RTN4RL1: variants seen among roughly 807,000 people sequenced by gnomAD.
The protein encoded by RTN4RL1 is reticulon 4 receptor like 1, also known as reticulon-4 receptor-like 1.
RTN4RL1 carries 7 observed loss-of-function variants against 25.6 expected under a neutral mutation model. The ratio of observed to expected loss-of-function variants is 0.27; its 90% CI spans 0.16 to 0.51. The LOEUF (loss-of-function observed/expected upper bound fraction) is 0.51, where lower values mean the gene tolerates loss of function less well. RTN4RL1 is among the 20% of genes least tolerant of loss of function. The pLI is 0.97. For missense variants in RTN4RL1, 500 were observed against 615.6 expected, an observed-to-expected ratio of 0.81 and a Z score of 1.99; for synonymous variants, 297 against 288.2, an observed-to-expected ratio of 1.03 and a Z score of -0.31.
chr17:2,007,816 C>T (rs192693643), intron 1 of RTN4RL1, among the ~76,000 whole-genome samples: 3 of 151,872 alleles, frequency 2.0e-5, no homozygotes, highest in South Asian at 2.1e-4. Context: ...CATGGTGGCA[C>T]GCGCCTGTAA....
At chr17:1,949,136 T>G (rs140912736) in intron 1 of RTN4RL1, among the ~76,000 whole-genome samples, 3 of 152,102 alleles carry the variant, frequency 2.0e-5, no homozygotes, top group African/African-American at 7.2e-5. Context: ...TTTTTTTTTG[T>G]ATTTTTAGTA....
intron 1 of RTN4RL1, 77 bp downstream of exon 1, chr17:2,024,776 G>C: frequency 6.8e-7 from 1 of 1,463,860 alleles, no homozygotes; most frequent in Non-Finnish European, 9.2e-7. Flanking sequence ...GGGAGCCCCG[G>C]CGCCGGGCGG....
intron 1 of RTN4RL1, among the ~76,000 whole-genome samples, chr17:1,988,609 A>G (rs2066897313): frequency 1.3e-5 from 2 of 152,012 alleles, no homozygotes; most frequent in South Asian, 2.1e-4. Flanking sequence ...CCGCATCCCT[A>G]GCACCCAGGA....
At chr17:1,976,643 A>G (rs1353780790) in intron 1 of RTN4RL1, among the ~76,000 whole-genome samples, 1 of 152,150 alleles carries the variant, frequency 6.6e-6, no homozygotes, top group African/African-American at 2.4e-5. Context: ...CTGAGTACCT[A>G]GTTACAGTCC....
intron 1 of RTN4RL1, among the ~76,000 whole-genome samples, chr17:2,004,367 CA>C (rs58690992): frequency 0.035 from 1,277 of 36,600 alleles, 20 homozygotes; most frequent in South Asian, 0.23. Flanking sequence ...GACTCTGTCT[CA>C]AAAAAAAAAA....
chr17:2,013,218 G>A (rs1466687317), intron 1 of RTN4RL1, among the ~76,000 whole-genome samples: 4 of 152,308 alleles, frequency 2.6e-5, no homozygotes, highest in Admixed American at 1.3e-4. Flanking sequence ...GAAGCCCTAA[G>A]AGATAATGTC....
intron 1 of RTN4RL1, among the ~76,000 whole-genome samples, chr17:1,993,551 C>A (rs1048864350): frequency 3.9e-5 from 6 of 152,216 alleles, no homozygotes; most frequent in Admixed American, 1.3e-4. Context: ...TTTTTACAGA[C>A]CTGCTTTATT....
At chr17:1,949,942 TG>T (rs1915639400) in intron 1 of RTN4RL1, among the ~76,000 whole-genome samples, 4 of 152,020 alleles carry the variant, frequency 2.6e-5, no homozygotes, top group Admixed American at 6.5e-5. Flanking sequence ...GCACAGCAGG[TG>T]CAAAGGCCCT....
intron 1 of RTN4RL1, among the ~76,000 whole-genome samples, chr17:1,971,764 C>T (rs2066820324): frequency 6.6e-6 from 1 of 151,938 alleles, no homozygotes; most frequent in South Asian, 2.1e-4. Flanking sequence ...AGATCGAGAC[C>T]ATCCTAGCTA....
At position 1,936,353 on chromosome 17, in the gene RTN4RL1, G is replaced by A. The variant is rs1915303156; in HGVS notation, c.*143C>T. On this transcript the variant is annotated 3_prime_UTR_variant, in exon 2 of 2. Transcript: ENST00000331238. ...TTGGGTTTATAATCCACATGGCAGG[G>A]TCCAGACGTCCAGACAGCAGCCGAA... is the stretch of plus-strand genomic sequence containing the variant. 1 of 1,436,746 alleles carries A rather than the reference G, an allele frequency of 7.0e-7. No homozygotes were observed. Among genetic ancestry groups the A allele is most frequent in the South Asian group, 1.5e-5 (1 of 67,266 alleles). 89.0% of individuals were successfully genotyped at this position (1,436,746 alleles called of 1,614,324 possible).
intron 1 of RTN4RL1, among the ~76,000 whole-genome samples, chr17:1,952,622 C>T (rs1226018837): frequency 6.6e-6 from 1 of 151,196 alleles, no homozygotes; most frequent in Non-Finnish European, 1.5e-5. Context: ...GGATTACAGG[C>T]GTGAGCCACC....
chr17:2,005,556 T>C (rs555202573), intron 1 of RTN4RL1, among the ~76,000 whole-genome samples: 1 of 152,204 alleles, frequency 6.6e-6, no homozygotes, highest in African/African-American at 2.4e-5. Context: ...GGACAGTCAC[T>C]GGTACATCCA....
chr17:1,989,429 G>C (rs1370594091), intron 1 of RTN4RL1, among the ~76,000 whole-genome samples: 1 of 152,020 alleles, frequency 6.6e-6, no homozygotes, highest in Admixed American at 6.6e-5. Flanking sequence ...ACCCTTAATG[G>C]GACGAGAAGG....
chr17:2,016,906 T>G (rs1052520467), intron 1 of RTN4RL1, among the ~76,000 whole-genome samples: 4 of 152,168 alleles, frequency 2.6e-5, no homozygotes, highest in Admixed American at 2.6e-4. Context: ...AGCCCATGAA[T>G]AGAACATTAA....
intron 1 of RTN4RL1, among the ~76,000 whole-genome samples, chr17:1,999,302 C>T (rs1244232576): frequency 6.6e-6 from 1 of 151,998 alleles, no homozygotes; most frequent in African/African-American, 2.4e-5. Flanking sequence ...AAAAATTAGC[C>T]GGGCGTGGTG....
At chr17:1,971,908 G>A (rs957438032) in intron 1 of RTN4RL1, among the ~76,000 whole-genome samples, 1 of 144,018 alleles carries the variant, frequency 6.9e-6, no homozygotes, top group Non-Finnish European at 1.5e-5. Flanking sequence ...CTTGCAGTGA[G>A]CCGAGATTGC....
chr17:1,979,559 T>C (rs1414175244), intron 1 of RTN4RL1, among the ~76,000 whole-genome samples: 3 of 152,256 alleles, frequency 2.0e-5, no homozygotes, highest in South Asian at 4.1e-4. Context: ...ACTCAAGGCT[T>C]TGCCTAACTG....
chr17:2,014,398 CACTCTCCCCATTCAAGGCATGG>C (rs1387492117), intron 1 of RTN4RL1, among the ~76,000 whole-genome samples: 1 of 152,212 alleles, frequency 6.6e-6, no homozygotes, highest in African/African-American at 2.4e-5. Context: ...CAGGACCCCC[CACTCTCCCCATTCAAGGCATGG>C]AGGGACCTTC....
At chr17:1,967,923 G>A (rs1274358938) in intron 1 of RTN4RL1, among the ~76,000 whole-genome samples, 1 of 152,186 alleles carries the variant, frequency 6.6e-6, no homozygotes, top group Non-Finnish European at 1.5e-5. Context: ...TTACAGGCGT[G>A]AGCCATCGGG....
Sources: gnomAD v4.1 joint callset for allele counts (sites outside exome capture counted in the v4.1 genomes callset) on GRCh38, gnomAD v4.1.1 for gene constraint, MANE v1.5 for transcripts, NCBI Gene and HGNC (gene_info 2026-07-23, HGNC 2026-07-21) for gene names.